The following SLC35D4 variants were observed in gnomAD, a reference collection of about 807,000 sequenced individuals.
SLC35D4 encodes solute carrier family 35 member D4.
At chr18:23,373,024 A>AT in the SLC35D4 span, among the ~76,000 whole-genome samples, 8 of 152,112 alleles carry the variant, frequency 5.3e-5, no homozygotes, top group African/African-American at 1.9e-4. Flanking sequence ...AATAAAAATC[A>AT]TTTTGCAGGC....
chr18:23,251,322 A>G, the SLC35D4 span, among the ~76,000 whole-genome samples: 6 of 152,300 alleles, frequency 3.9e-5, no homozygotes, highest in East Asian at 1.9e-4. Flanking sequence ...AAGGTGGCAC[A>G]TGCCTGTAGT....
At chr18:23,413,288 T>G in the SLC35D4 span, among the ~76,000 whole-genome samples, 1 of 152,250 alleles carries the variant, frequency 6.6e-6, no homozygotes, top group Admixed American at 6.5e-5. Flanking sequence ...ATTCTCAACA[T>G]GTAATCTAGT....
chr18:23,389,492 C>T, the SLC35D4 span, among the ~76,000 whole-genome samples: 51 of 152,278 alleles, frequency 3.3e-4, no homozygotes, highest in African/African-American at 1.1e-3. Flanking sequence ...TACAATTGAC[C>T]AGTTGCACTC....
the SLC35D4 span, among the ~76,000 whole-genome samples, chr18:23,402,796 C>A: frequency 2.1e-5 from 3 of 141,784 alleles, no homozygotes; most frequent in African/African-American, 7.7e-5. Flanking sequence ...AGGGGTAAGA[C>A]CTTGTCTTTT....
At chr18:23,377,738 C>T in the SLC35D4 span, 1 of 1,375,364 alleles carries the variant, frequency 7.3e-7, no homozygotes, top group Admixed American at 2.9e-5. Context: ...TAAAAGGAAA[C>T]ATTTTGATCA....
chr18:23,284,328 C>A, the SLC35D4 span, among the ~76,000 whole-genome samples: 1 of 152,196 alleles, frequency 6.6e-6, no homozygotes, highest in Admixed American at 6.5e-5. Flanking sequence ...AGCCTGCTAC[C>A]TATGAGGCTT....
At chr18:23,283,530 C>T in the SLC35D4 span, among the ~76,000 whole-genome samples, 1 of 150,442 alleles carries the variant, frequency 6.6e-6, no homozygotes, top group Admixed American at 6.6e-5. Context: ...AGAAAGTAGG[C>T]TAGGCACAGT....
At chr18:23,389,230 C>T in the SLC35D4 span, among the ~76,000 whole-genome samples, 517 of 152,176 alleles carry the variant, frequency 3.4e-3, 3 homozygotes, top group African/African-American at 0.012. Flanking sequence ...CTCAAGTGAT[C>T]TGCCAGCCTT....
chr18:23,341,385 C>T, the SLC35D4 span, among the ~76,000 whole-genome samples: 201 of 152,342 alleles, frequency 1.3e-3, no homozygotes, highest in Middle Eastern at 3.4e-3. Flanking sequence ...TGCCTTCTCT[C>T]AGAACTTGGA....
the SLC35D4 span, among the ~76,000 whole-genome samples, chr18:23,315,680 T>C: frequency 4.6e-5 from 7 of 152,320 alleles, 1 homozygote; most frequent in Admixed American, 3.3e-4. Flanking sequence ...ACTGGGACAT[T>C]CTCTCTACCC....
chr18:23,310,760 C>T, the SLC35D4 span, among the ~76,000 whole-genome samples: 1 of 152,018 alleles, frequency 6.6e-6, no homozygotes, highest in Non-Finnish European at 1.5e-5. Flanking sequence ...TCACGCATTA[C>T]CATCTCAGAA....
At chr18:23,396,432 G>C in the SLC35D4 span, among the ~76,000 whole-genome samples, 1 of 152,148 alleles carries the variant, frequency 6.6e-6, no homozygotes, top group Non-Finnish European at 1.5e-5. Context: ...GAATTTCTAA[G>C]CAACGATGTA....
At chr18:23,322,623 T>G in the SLC35D4 span, among the ~76,000 whole-genome samples, 1 of 152,228 alleles carries the variant, frequency 6.6e-6, no homozygotes, top group African/African-American at 2.4e-5. Context: ...GAGGACTTCT[T>G]CCTCCATCTT....
At chr18:23,383,264 T>C in the SLC35D4 span, among the ~76,000 whole-genome samples, 1 of 151,524 alleles carries the variant, frequency 6.6e-6, no homozygotes, top group Non-Finnish European at 1.5e-5. Context: ...AGAAAGTATG[T>C]GGCATGAGGA....
At chr18:23,348,279 T>C in the SLC35D4 span, among the ~76,000 whole-genome samples, 1 of 152,240 alleles carries the variant, frequency 6.6e-6, no homozygotes, top group Non-Finnish European at 1.5e-5. Context: ...ATATTCCATG[T>C]GCGCTTGAGA....
chr18:23,346,296 A>G, the SLC35D4 span, among the ~76,000 whole-genome samples: 1 of 152,016 alleles, frequency 6.6e-6, no homozygotes, highest in Non-Finnish European at 1.5e-5. Flanking sequence ...ACCATGCCAG[A>G]CTACTTTTCT....
At chr18:23,400,452 C>T in the SLC35D4 span, among the ~76,000 whole-genome samples, 100 of 151,992 alleles carry the variant, frequency 6.6e-4, no homozygotes, top group South Asian at 0.018. Context: ...GGTGAAACCC[C>T]GTCTCTACTA....
At chr18:23,354,919 G>T in the SLC35D4 span, among the ~76,000 whole-genome samples, 2 of 152,028 alleles carry the variant, frequency 1.3e-5, no homozygotes, top group Admixed American at 6.6e-5. Flanking sequence ...TCTACCCCTT[G>T]CTAGGGAGGC....
the SLC35D4 span, among the ~76,000 whole-genome samples, chr18:23,357,856 A>G: frequency 6.6e-6 from 1 of 152,126 alleles, no homozygotes; most frequent in Non-Finnish European, 1.5e-5. Context: ...AACTACAAGG[A>G]AGGGATTTCT....
Sources: allele counts gnomAD v4.1 joint callset (sites outside exome capture counted in the v4.1 genomes callset), GRCh38; gene constraint gnomAD v4.1.1; transcripts MANE v1.5; gene names NCBI Gene and HGNC (gene_info 2026-07-23, HGNC 2026-07-21).